USP28: variants seen among roughly 807,000 people sequenced by gnomAD.
USP28 encodes ubiquitin specific peptidase 28.
In USP28, 113 loss-of-function variants were observed where a neutral mutation model predicts 145.0. That is an observed-to-expected ratio of 0.78 (90% CI 0.67 to 0.91). The LOEUF (loss-of-function observed/expected upper bound fraction) is 0.91, where lower values mean the gene tolerates loss of function less well. Among genes scored for constraint, USP28 ranks in the 40% least tolerant of loss-of-function variants. The pLI, the probability that USP28 is intolerant of heterozygous loss-of-function variation, is 0.00. For synonymous variants in USP28, 447 were observed against 450.9 expected (o/e 0.99, Z 0.11); for missense variants, 1,201 against 1,289.6 (o/e 0.93, Z 1.05).
At chr11:113,831,711 A>T (rs1256218576) in intron 8 of USP28, among the ~76,000 whole-genome samples, 1 of 152,164 alleles carries the variant, frequency 6.6e-6, no homozygotes, top group Non-Finnish European at 1.5e-5. Context: ...AGAAAAAAAA[A>T]AAAGCTGCAG....
At chr11:113,859,872 C>T (rs1947466139) in intron 1 of USP28, among the ~76,000 whole-genome samples, 1 of 152,138 alleles carries the variant, frequency 6.6e-6, no homozygotes, top group Admixed American at 6.5e-5. Context: ...AAAGTACTCC[C>T]TTTTCTTGCC....
chr11:113,801,087 G>A (rs1362478961), intron 24 of USP28, among the ~76,000 whole-genome samples: 1 of 152,076 alleles, frequency 6.6e-6, no homozygotes, highest in African/African-American at 2.4e-5. Flanking sequence ...CAGGTGATCT[G>A]CCCACCTCGG....
At chr11:113,807,165 C>T (rs890387422) in intron 18 of USP28, among the ~76,000 whole-genome samples, 1 of 152,024 alleles carries the variant, frequency 6.6e-6, no homozygotes, top group African/African-American at 2.4e-5. Flanking sequence ...CTCCGCCTCC[C>T]GGGTTCAAGC....
chr11:113,830,749 A>G (rs1353994035), intron 9 of USP28, 118 bp downstream of exon 9: 2 of 877,584 alleles, frequency 2.3e-6, no homozygotes, highest in Non-Finnish European at 3.5e-6. Context: ...CAGAACCAAT[A>G]TTCAGAGCTG....
At chr11:113,837,679 TCA>T (rs1413799821) in intron 5 of USP28, among the ~76,000 whole-genome samples, 1 of 152,212 alleles carries the variant, frequency 6.6e-6, no homozygotes, top group Non-Finnish European at 1.5e-5. Context: ...TTCATTAAAT[TCA>T]CAGAGTGCCC....
At chr11:113,855,245 A>C (rs1268757353) in intron 1 of USP28, among the ~76,000 whole-genome samples, 1 of 152,098 alleles carries the variant, frequency 6.6e-6, no homozygotes, top group Non-Finnish European at 1.5e-5. Flanking sequence ...CAGCTAACAC[A>C]AAATCAGTTT....
At chr11:113,851,411 G>C (rs1297555171) in intron 3 of USP28, among the ~76,000 whole-genome samples, 1 of 152,040 alleles carries the variant, frequency 6.6e-6, no homozygotes, top group East Asian at 1.9e-4. Flanking sequence ...CCTTAGCCCT[G>C]GCCTCCTTGC....
At chr11:113,803,016 A>G (rs1939317789) in intron 23 of USP28, 142 bp downstream of exon 24, 13 of 928,732 alleles carry the variant, frequency 1.4e-5, no homozygotes, top group Non-Finnish European at 1.9e-5. Context: ...ACCTGTTCCA[A>G]TGTAAAACTG....
intron 16 of USP28, among the ~76,000 whole-genome samples, chr11:113,810,414 T>C (rs1387257358): frequency 1.3e-5 from 2 of 152,224 alleles, no homozygotes; most frequent in Non-Finnish European, 1.5e-5. Flanking sequence ...CACTTACTGG[T>C]TGCCATTAAT....
chr11:113,842,198 C>T (rs544845868), intron 3 of USP28, among the ~76,000 whole-genome samples: 1 of 152,116 alleles, frequency 6.6e-6, no homozygotes, highest in South Asian at 2.1e-4. Flanking sequence ...AAAAGTGAAA[C>T]TCACACGTGA....
chr11:113,865,720 ATAAC>A (rs1411828168), intron 1 of USP28, among the ~76,000 whole-genome samples: 1 of 152,340 alleles, frequency 6.6e-6, no homozygotes, highest in Admixed American at 6.5e-5. Flanking sequence ...ACCTAAATAA[ATAAC>A]TAAAACTATA....
chr11:113,854,747 G>T (rs1409299557), intron 1 of USP28, among the ~76,000 whole-genome samples: 1 of 152,090 alleles, frequency 6.6e-6, no homozygotes, highest in Non-Finnish European at 1.5e-5. Context: ...AAGAAACAAG[G>T]TATTGGCTGT....
chr11:113,849,384 G>A (rs1002628277), intron 3 of USP28, among the ~76,000 whole-genome samples: 2 of 152,158 alleles, frequency 1.3e-5, no homozygotes, highest in Non-Finnish European at 2.9e-5. Flanking sequence ...GATCAAAGAA[G>A]GTAAAAACAA....
rs146724763 is a variant in USP28, at chr11:113,802,204, A to G, written c.2863-526T>C. On this transcript the variant is annotated intron_variant, in intron 23 of 24. Coordinates refer to ENST00000003302, the Ensembl canonical transcript of USP28. ...TGCATTACTTCAGAAGCTGAGTAGG[A>G]TATTCAAAATGTCAATCTATTTGGT... Among the ~76,000 whole-genome samples the G allele has an allele frequency of 7.7e-3, 1,171 of 152,340 alleles. 15 individuals carry two copies. The highest frequency in any genetic ancestry group is 0.027 in the African/African-American group (1,131 of 41,576).
At chr11:113,839,393 T>A (rs1431647585) in intron 5 of USP28, among the ~76,000 whole-genome samples, 1 of 152,204 alleles carries the variant, frequency 6.6e-6, no homozygotes, top group East Asian at 1.9e-4. Context: ...AAGACCAGCA[T>A]GGCCAACATG....
intron 10 of USP28, chr11:113,828,705 C>A: frequency 6.5e-6 from 2 of 308,762 alleles, no homozygotes; most frequent in Non-Finnish European, 1.3e-5. Context: ...TAACTTCCCC[C>A]GTCTTTCCAA....
At chr11:113,821,007 A>G in intron 12 of USP28, 2 of 191,994 alleles carry the variant, frequency 1.0e-5, no homozygotes, top group South Asian at 1.0e-4. Flanking sequence ...AGATGCTTCA[A>G]AGACATGGTG....
At chr11:113,817,615 A>G in intron 13 of USP28, 43 bp downstream of exon 13, 1 of 1,597,126 alleles carries the variant, frequency 6.3e-7, no homozygotes, top group Non-Finnish European at 8.6e-7. Context: ...AAATTATACC[A>G]GAAAAACAAT....
intron 23 of USP28, among the ~76,000 whole-genome samples, chr11:113,802,295 C>T (rs1351544915): frequency 6.6e-6 from 1 of 152,244 alleles, no homozygotes; most frequent in African/African-American, 2.4e-5. Flanking sequence ...GATCCCTTTT[C>T]AGCTTCAAAG....
Sources: gnomAD v4.1 joint callset for allele counts (sites outside exome capture counted in the v4.1 genomes callset) on GRCh38, gnomAD v4.1.1 for gene constraint, MANE v1.5 for transcripts, NCBI Gene and HGNC (gene_info 2026-07-23, HGNC 2026-07-21) for gene names.